Variants in RHBG observed in about 807,000 individuals in gnomAD.
RHBG encodes ammonium transporter Rh type B.
In RHBG, 39 loss-of-function variants were observed where a neutral mutation model predicts 40.1. The ratio of observed to expected loss-of-function variants is 0.97; its 90% CI spans 0.75 to 1.27. The LOEUF is 1.27. Among genes scored for constraint, RHBG ranks in the 50% most tolerant of loss-of-function variants. The pLI, the probability that RHBG is intolerant of heterozygous loss-of-function variation, is 0.00. For synonymous variants in RHBG, 237 were observed against 252.5 expected, an observed-to-expected ratio of 0.94 and a Z score of 0.58; for missense variants, 549 against 588.1, an observed-to-expected ratio of 0.93 and a Z score of 0.69.
chr1:156,384,937 C>A lies in RHBG; in HGVS notation c.*92C>A. On this transcript the variant is annotated 3_prime_UTR_variant, in exon 10 of 10. Coordinates refer to ENST00000537040, the MANE Select transcript of RHBG (RefSeq NM_020407.5). ...TCTTTTTGAGCTCCCATTCCTCCAG[C>A]TGCAAGAAGGGAGCCATGAGCCAGA... is the stretch of plus-strand genomic sequence containing the variant. 1.2e-6 allele frequency: 1 copy of A among 800,082 alleles called. No homozygotes were observed. The highest frequency in any genetic ancestry group is 2.1e-6 in the Non-Finnish European group (1 of 487,290). The allele number at this position is 800,082 out of a possible 1,614,324, so 49.6% of individuals were successfully genotyped here.
rs772459487 is a variant in RHBG, at chr1:156,381,830, G to C, written c.865G>C (p.Ala289Pro). The C allele has an allele frequency of 1.1e-5, 18 of 1,590,506 alleles. No homozygotes were observed. The highest frequency in any genetic ancestry group is 2.3e-5 in the South Asian group (2 of 87,592). ...GGTCCACATCCAAAATGCAGCGCTG[G>C]CTGGAGGGGTTGTGGTGGGGACCTC... The part of the protein sequence containing the change: ...DMVHIQNAAL[A>P]GGVVVGTSSE... Residue 289 changes from alanine (A) to proline (P), a missense_variant, in exon 6 of 10, where the codon GCT (alanine) becomes CCT (proline). Transcript: ENST00000537040.
At chr1:156,371,711 T>C (rs1273188132) in intron 1 of RHBG, 1 of 152,716 alleles carries the variant, frequency 6.5e-6, no homozygotes, top group East Asian at 1.9e-4. Flanking sequence ...CAGTCCAGAG[T>C]CTGACAGAAC....
intron 9 of RHBG, 21 bp downstream of exon 9, chr1:156,384,621 C>A: frequency 6.4e-7 from 1 of 1,565,356 alleles, no homozygotes; most frequent in Admixed American, 1.8e-5. Context: ...GCTGGGCTCT[C>A]ACACCCTCTG....
chr1:156,372,113 G>A (rs1666899565), intron 1 of RHBG, among the ~76,000 whole-genome samples: 1 of 152,212 alleles, frequency 6.6e-6, no homozygotes, highest in Non-Finnish European at 1.5e-5. Context: ...GAGATGAAAG[G>A]GAGTTGTGTG....
intron 7 of RHBG, 180 bp from the exon 8 acceptor site, chr1:156,382,568 C>A: frequency 1.3e-6 from 1 of 766,964 alleles, no homozygotes; most frequent in South Asian, 1.7e-5. Flanking sequence ...GTGTTCCAGG[C>A]TGTGGGCCTG....
chr1:156,381,953 C>T lies in RHBG; in HGVS notation c.978+10C>T. ...GTACAAGTTCTTCACGGTATAGATG[C>T]CTCTTGGAGCCTGGGCAGAACATGG... is the stretch of plus-strand genomic sequence containing the variant. On this transcript the variant is annotated intron_variant, in intron 6 of 9. Transcript: ENST00000537040. 6.2e-7 allele frequency: 1 copy of T among 1,611,030 alleles called. No homozygotes were observed. The highest frequency in any genetic ancestry group is 1.1e-5 in the South Asian group (1 of 90,628).
At chr1:156,370,686 C>T (rs866500642) in intron 1 of RHBG, among the ~76,000 whole-genome samples, 15 of 150,918 alleles carry the variant, frequency 9.9e-5, no homozygotes, top group Middle Eastern at 3.5e-3. Context: ...AGAGCAGCAG[C>T]CCCCAGACTT....
Position 156,381,482 on chromosome 1 carries a change from C to T in RHBG, c.809C>T (p.Ala270Val). 1 of 1,612,978 alleles carries T rather than the reference C, an allele frequency of 6.2e-7. No individual in the cohort carries two copies. Among genetic ancestry groups the T allele is most frequent in the South Asian group, 1.1e-5 (1 of 90,974 alleles). Residue 270 changes from alanine (A) to valine (V), a missense_variant, in exon 5 of 10, where the codon GCC becomes GTC. Coordinates refer to ENST00000537040, the MANE Select transcript of RHBG (RefSeq NM_020407.5). ...ACCCTTGGCACCTTTGCCTTGTCAG[C>T]CCTTGTAGGGGAAGATGGGAGGCTT... ...ASTLGTFALS[A>V]LVGEDGRLDM...
rs371672953 is a variant in RHBG, at chr1:156,384,785, C to T, written c.1317C>T (p.Gly439=). 7.1e-5 allele frequency: 115 copies of T among 1,613,852 alleles called. No individual in the cohort carries two copies. The highest frequency in any genetic ancestry group is 6.7e-5 in the Admixed American group (4 of 59,994). The change falls in exon 10 of 10, where the codon GGC becomes GGT. Residue 439 remains glycine, a synonymous_variant. Transcript: ENST00000537040. ...CCACTCCTGCCTTCCAGGTGCCTGGCGAGCATGAGGATAAAGCCCAGAGAC... is the reference window on the plus strand; with the variant it reads ...CCACTCCTGCCTTCCAGGTGCCTGGTGAGCATGAGGATAAAGCCCAGAGAC... ...YEDQVHWQVP[G]EHEDKAQRPL...
chr1:156,373,216 G>T (rs544305628), intron 1 of RHBG, among the ~76,000 whole-genome samples: 6 of 152,218 alleles, frequency 3.9e-5, no homozygotes, highest in African/African-American at 1.2e-4. Flanking sequence ...GAAGCCAGGA[G>T]TTTGAGGCCA....
Position 156,369,325 on chromosome 1 carries a change from A to G in RHBG, c.76A>G (p.Thr26Ala), listed in dbSNP as rs773544287. The change falls in exon 1 of 10, where the codon ACT becomes GCT. Residue 26 changes from threonine (T) to alanine (A), a missense_variant. Thr to Ala is a moderately conservative substitution (Grantham distance 58). Around this residue, in one of 3 missense-constraint regions of RHBG, gnomAD observed 99 missense variants for 85.2 expected, o/e 1.16. Coordinates refer to ENST00000537040, the MANE Select transcript of RHBG (RefSeq NM_020407.5). ...GCTGTGCCTCTTCCTCCAGGGCGCC[A>G]CTGCCGTCCTCTTTGCTGTCTTTGT... is the stretch of plus-strand genomic sequence containing the variant. ...PLLCLFLQGA[T>A]AVLFAVFVRY... is the part of the protein sequence containing the mutation. 4 of 1,614,056 alleles carry G rather than the reference A, an allele frequency of 2.5e-6. No homozygotes were observed. The African/African-American group carries it at 5.3e-5, about 22-fold the overall frequency.
In RHBG at chr1:156,369,237, C is replaced by G; in HGVS notation, c.-13C>G. ...AAAGCCTGCGAGCGCCAGCCGAGAT[C>G]GCAGCCCAACCCATGGCCGGGTCTC... On this transcript the variant is annotated 5_prime_UTR_variant, in exon 1 of 10. In the 5' UTR this introduces an upstream ATG that the reference lacks. Coordinates refer to ENST00000537040, the MANE Select transcript of RHBG (RefSeq NM_020407.5). The G allele has an allele frequency of 6.2e-7, 1 of 1,608,220 alleles. No individual in the cohort carries two copies. Among genetic ancestry groups the G allele is most frequent in the Non-Finnish European group, 8.5e-7 (1 of 1,177,710 alleles).
intron 1 of RHBG, among the ~76,000 whole-genome samples, chr1:156,376,165 A>C (rs1421510456): frequency 6.6e-6 from 1 of 152,190 alleles, no homozygotes; most frequent in Non-Finnish European, 1.5e-5. Context: ...AATTTCAAGT[A>C]ATTCATCTAT....
chr1:156,374,033 A>AG (rs144465447), intron 1 of RHBG, among the ~76,000 whole-genome samples: 2,237 of 152,264 alleles, frequency 0.015, 53 homozygotes, highest in African/African-American at 0.052. Context: ...ACAGTGCTAT[A>AG]GGGTCCTCAA....
At position 156,378,390 on chromosome 1, in the gene RHBG, G is replaced by A. The variant is rs755542961; in HGVS notation, c.664G>A (p.Ala222Thr). ...CTCCGTCTACCATTCAGACCTCTTC[G>A]CCATGATTGGTGAGGCCTTCGAGGT... Reference protein sequence around the residue: ...QGSVYHSDLFAMIGTIFLWIF... With the variant: ...QGSVYHSDLFTMIGTIFLWIF... The change falls in exon 4 of 10, where the codon GCC becomes ACC. Residue 222 changes from alanine (A) to threonine (T), a missense_variant. Coordinates refer to ENST00000537040, the MANE Select transcript of RHBG (RefSeq NM_020407.5). 2.2e-5 allele frequency: 35 copies of A among 1,599,786 alleles called. No homozygotes were observed. Among genetic ancestry groups the A allele is most frequent in the South Asian group, 9.0e-5 (8 of 89,200 alleles).
In RHBG at chr1:156,377,612, TC is replaced by T. The variant is rs1188070776; in HGVS notation, c.374+126del. On this transcript the variant is annotated intron_variant, in intron 2 of 9. Transcript: ENST00000537040. The surrounding 1 kb of genome is among the most constrained non-coding windows in gnomAD (Gnocchi z 4.6). ...TCACGATTCTGGGCGTCACTTGGTTTCTCTAGGTGTCCTGCCTGTCCTTATT... is the reference window on the plus strand; with the variant it reads ...TCACGATTCTGGGCGTCACTTGGTTTTCTAGGTGTCCTGCCTGTCCTTATT... 1.0e-6 allele frequency: 1 copy of T among 992,882 alleles called. No individual in the cohort carries two copies. The highest frequency in any genetic ancestry group is 1.6e-5 in the African/African-American group (1 of 61,482). The allele number at this position is 992,882 out of a possible 1,614,324, so 61.5% of individuals were successfully genotyped here.
chr1:156,381,735 T>A, intron 5 of RHBG, 71 bp from the exon 6 acceptor site: 1 of 1,524,186 alleles, frequency 6.6e-7, no homozygotes, highest in South Asian at 1.3e-5. Flanking sequence ...GGTGTCACTG[T>A]GGTGTGTAGG....
intron 9 of RHBG, 32 bp downstream of exon 9, chr1:156,384,632 A>C: frequency 6.4e-7 from 1 of 1,558,066 alleles, no homozygotes; most frequent in Non-Finnish European, 8.7e-7. Context: ...ACACCCTCTG[A>C]GTCTCCCTTC....
chr1:156,381,337 C>T lies in RHBG; in HGVS notation c.674-10C>T, dbSNP rs376500621. ...CTTCTTCTCACTCTGCCTGTCTGTC[C>T]ACCATCTAGGGACCATCTTCCTGTG... On this transcript the variant is annotated splice_polypyrimidine_tract_variant and intron_variant, in intron 4 of 9. Coordinates refer to ENST00000537040, the MANE Select transcript of RHBG (RefSeq NM_020407.5). The T allele has an allele frequency of 1.2e-6, 2 of 1,613,756 alleles. No homozygotes were observed. Among genetic ancestry groups the T allele is most frequent in the Non-Finnish European group, 8.5e-7 (1 of 1,180,018 alleles).
Sources: allele counts gnomAD v4.1 joint callset (sites outside exome capture counted in the v4.1 genomes callset), GRCh38; gene constraint gnomAD v4.1.1; regional missense constraint gnomAD v4.1.1; non-coding constraint Gnocchi (gnomAD v3.1); transcripts MANE v1.5; gene names NCBI Gene and HGNC (gene_info 2026-07-23, HGNC 2026-07-21).